PTP4A1: variants seen among roughly 807,000 people sequenced by gnomAD.
PTP4A1 encodes the protein protein tyrosine phosphatase type IVA 1.
PTP4A1 carries 9 observed loss-of-function variants against 20.5 expected under a neutral mutation model. That is an observed-to-expected ratio of 0.44 (90% CI 0.26 to 0.77). The LOEUF (loss-of-function observed/expected upper bound fraction) is 0.77. PTP4A1 is among the 30% of genes least tolerant of loss of function. The pLI, the probability that PTP4A1 is intolerant of heterozygous loss-of-function variation, is 0.19. For missense variants in PTP4A1, 137 were observed against 218.8 expected, an observed-to-expected ratio of 0.63 and a Z score of 2.36; for synonymous variants, 78 against 67.4, an observed-to-expected ratio of 1.16 and a Z score of -0.77.
chr6:63,520,630 CAAATAAATAAAT>C (rs201294226), upstream of PTP4A1, among the ~76,000 whole-genome samples: 211 of 139,070 alleles, frequency 1.5e-3, no homozygotes, highest in African/African-American at 3.7e-3. Flanking sequence ...GACTCTGTCT[CAAATAAATAAAT>C]AAATAAATAA....
upstream of PTP4A1, among the ~76,000 whole-genome samples, chr6:63,570,265 A>G (rs1777359139): frequency 6.6e-6 from 1 of 152,220 alleles, no homozygotes; most frequent in Non-Finnish European, 1.5e-5. Context: ...CAGGAGGCTG[A>G]GGTTGCAGTG....
At position 63,572,518 on chromosome 6, in the gene PTP4A1, G is replaced by T. The variant is rs1777508043; in HGVS notation, c.-647G>T. 2.6e-6 allele frequency: 1 copy of T among 391,498 alleles called. No individual in the cohort carries two copies. Among genetic ancestry groups the T allele is most frequent in the East Asian group, 3.6e-5 (1 of 27,532 alleles). 24.3% of individuals were successfully genotyped at this position (391,498 alleles called of 1,614,324 possible). On this transcript the variant is annotated 5_prime_UTR_variant, in exon 1 of 6. Transcript: ENST00000626021. ...TATTGGCTCCTTCGGCTGCGGGCCGGCTCGGCTACGCGCTCTGCTCCGAGC... is the reference window on the plus strand; with the variant it reads ...TATTGGCTCCTTCGGCTGCGGGCCGTCTCGGCTACGCGCTCTGCTCCGAGC...
At chr6:63,572,777 C>G in intron 1 of PTP4A1, 58 bp downstream of exon 1, 1 of 398,440 alleles carries the variant, frequency 2.5e-6, no homozygotes, top group Non-Finnish European at 4.4e-6. Context: ...GGCCCCCCAT[C>G]CCCGCTGTCG....
chr6:63,557,923 T>C (rs1650107833), intron 3 of PTP4A1, among the ~76,000 whole-genome samples: 1 of 151,666 alleles, frequency 6.6e-6, no homozygotes, highest in Admixed American at 6.6e-5. Context: ...GGAGTCTTGC[T>C]CTGTCACCCA....
intron 2 of PTP4A1, among the ~76,000 whole-genome samples, chr6:63,529,804 T>C (rs1168396036): frequency 4.6e-5 from 7 of 152,128 alleles, no homozygotes; most frequent in African/African-American, 1.4e-4. Flanking sequence ...ACATCCTATA[T>C]TGGCAAAATA....
intron 3 of PTP4A1, among the ~76,000 whole-genome samples, chr6:63,554,579 C>G (rs1477549868): frequency 5.9e-5 from 9 of 152,146 alleles, no homozygotes; most frequent in Non-Finnish European, 1.3e-4. Context: ...GGGTAGATCA[C>G]TTGAGGTCAG....
intron 1 of PTP4A1, among the ~76,000 whole-genome samples, chr6:63,526,868 A>G (rs953273929): frequency 2.7e-5 from 4 of 146,212 alleles, no homozygotes; most frequent in Admixed American, 1.4e-4. Flanking sequence ...GGGCTTCCAT[A>G]GGATGCATTA....
chr6:63,576,821 C>T lies in PTP4A1; in HGVS notation c.-60C>T. ...AGACTTCAGTTTCTTTGCATCATTT[C>T]TGTATTCAATTTTTTTAATTATTTC... On this transcript the variant is annotated 5_prime_UTR_variant, in exon 2 of 6. Transcript: ENST00000626021. 7.3e-7 allele frequency: 1 copy of T among 1,366,098 alleles called. No individual in the cohort carries two copies. 84.6% of individuals were successfully genotyped at this position (1,366,098 alleles called of 1,614,324 possible). A position where few individuals can be genotyped will look rare whatever the true frequency, so the allele number is the denominator to read the frequency against.
chr6:63,565,508 T>C (rs1054971804), intron 3 of PTP4A1, among the ~76,000 whole-genome samples: 8 of 152,146 alleles, frequency 5.3e-5, no homozygotes, highest in Non-Finnish European at 8.8e-5. Flanking sequence ...TTACCTCAAA[T>C]GGTTTGATAT....
chr6:63,544,516 A>T (rs1057065429), intron 2 of PTP4A1, among the ~76,000 whole-genome samples: 2 of 152,178 alleles, frequency 1.3e-5, no homozygotes, highest in Non-Finnish European at 2.9e-5. Flanking sequence ...TACACTAGCT[A>T]GAATTTATCT....
intron 1 of PTP4A1, 129 bp downstream of exon 1, chr6:63,572,848 C>T (rs1275088280): frequency 5.1e-6 from 2 of 393,616 alleles, no homozygotes; most frequent in Admixed American, 4.4e-5. Flanking sequence ...CGGTGGGTCC[C>T]GGGTGGGAGC....
chr6:63,534,519 T>G (rs1176100583), intron 2 of PTP4A1, among the ~76,000 whole-genome samples: 2 of 150,578 alleles, frequency 1.3e-5, no homozygotes, highest in East Asian at 3.9e-4. Context: ...AATGCAGTAC[T>G]TACAAAACAT....
At chr6:63,549,194 C>T in intron 2 of PTP4A1, 1 of 699,214 alleles carries the variant, frequency 1.4e-6, no homozygotes, top group Non-Finnish European at 2.6e-6. Flanking sequence ...CTTGCTTAGT[C>T]TCTGATCTGT....
chr6:63,550,191 A>G lies in PTP4A1; in HGVS notation c.-639-109A>G, dbSNP rs1776375223. 4 of 152,306 alleles carry G rather than the reference A, an allele frequency of 2.6e-5. No homozygotes were observed. The South Asian group carries it at 6.2e-4, about 24-fold the overall frequency. The allele number at this position is 152,306 out of a possible 1,614,324, so 9.4% of individuals were successfully genotyped here. A position where few individuals can be genotyped will look rare whatever the true frequency, so the allele number is the denominator to read the frequency against. On this transcript the variant is annotated intron_variant, in intron 2 of 3. Coordinates refer to the PTP4A1 transcript ENST00000639568. ...TCCTCAGTGATTGGTTTTTTAATCT[A>G]CATAATAGATTCAAAACAAAATGCT... is the stretch of plus-strand genomic sequence containing the variant.
chr6:63,563,575 C>T (rs1384686989), intron 3 of PTP4A1, among the ~76,000 whole-genome samples: 1 of 152,172 alleles, frequency 6.6e-6, no homozygotes, highest in Non-Finnish European at 1.5e-5. Context: ...ATATTCTATG[C>T]TTATTTACTT....
At position 63,581,274 on chromosome 6, in the gene PTP4A1, T is replaced by G. The variant is rs1488401475; in HGVS notation, c.*1100T>G. On this transcript the variant is annotated 3_prime_UTR_variant, in exon 6 of 6. Transcript: ENST00000626021. ...ATATTTGGATACTTGACAATTTGTT[T>G]TATTATGTAATTGATAAAATGGTGA... is the stretch of plus-strand genomic sequence containing the variant. 1 of 152,624 alleles carries G rather than the reference T, an allele frequency of 6.6e-6. No individual in the cohort carries two copies. The highest frequency in any genetic ancestry group is 2.4e-5 in the African/African-American group (1 of 41,456). The allele number at this position is 152,624 out of a possible 1,614,324, so 9.5% of individuals were successfully genotyped here.
intron 3 of PTP4A1, among the ~76,000 whole-genome samples, chr6:63,558,512 G>A (rs1581935035): frequency 6.6e-6 from 1 of 152,174 alleles, no homozygotes; most frequent in African/African-American, 2.4e-5. Flanking sequence ...TTCAGTCATT[G>A]TCTCATGATA....
chr6:63,531,874 C>A (rs1365131910), intron 2 of PTP4A1, among the ~76,000 whole-genome samples: 1 of 151,606 alleles, frequency 6.6e-6, no homozygotes, highest in Non-Finnish European at 1.5e-5. Flanking sequence ...ATCACCCAGG[C>A]TCACTGCAAC....
intron 1 of PTP4A1, chr6:63,573,354 T>G (rs1477594133): frequency 6.6e-6 from 1 of 151,464 alleles, no homozygotes; most frequent in African/African-American, 2.4e-5. Flanking sequence ...TTCCAGAGCT[T>G]CTCGGAGCTC....
Sources: gnomAD v4.1 joint callset for allele counts (sites outside exome capture counted in the v4.1 genomes callset) on GRCh38, gnomAD v4.1.1 for gene constraint, MANE v1.5 for transcripts, NCBI Gene and HGNC (gene_info 2026-07-23, HGNC 2026-07-21) for gene names.